Variants in TMCO4 observed in about 807,000 individuals in gnomAD.
TMCO4 encodes transmembrane and coiled-coil domains 4.
In TMCO4, 58 loss-of-function variants were observed where a neutral mutation model predicts 64.7. That is an observed-to-expected ratio of 0.90 (90% CI 0.73 to 1.12). TMCO4 has a LOEUF of 1.12. Among genes scored for constraint, TMCO4 ranks in the 50% most tolerant of loss-of-function variants. The pLI, the probability that TMCO4 is intolerant of heterozygous loss-of-function variation, is 0.00. For missense variants in TMCO4, 780 were observed against 825.9 expected (o/e 0.94, Z 0.68); for synonymous variants, 325 against 346.1 (o/e 0.94, Z 0.68).
chr1:19,789,442 T>G (rs1478247094), intron 2 of TMCO4, among the ~76,000 whole-genome samples: 1 of 152,046 alleles, frequency 6.6e-6, no homozygotes, highest in African/African-American at 2.4e-5. Flanking sequence ...AAAACATCTT[T>G]CACAGAGCAA....
intron 13 of TMCO4, among the ~76,000 whole-genome samples, chr1:19,727,204 G>C (rs1366701878): frequency 6.6e-6 from 1 of 152,218 alleles, no homozygotes; most frequent in East Asian, 1.9e-4. Flanking sequence ...TAAGCCAAGT[G>C]CTCTCGGGTT....
intron 14 of TMCO4, among the ~76,000 whole-genome samples, chr1:19,696,073 C>A (rs967381148): frequency 5.3e-5 from 8 of 152,182 alleles, no homozygotes; most frequent in Middle Eastern, 3.2e-3. Context: ...GCCTCACCTA[C>A]CTTGAGCCAC....
At chr1:19,687,727 G>A (rs1007257366) in intron 15 of TMCO4, among the ~76,000 whole-genome samples, 4 of 152,192 alleles carry the variant, frequency 2.6e-5, no homozygotes, top group Non-Finnish European at 5.9e-5. Context: ...TGTTGTAGAT[G>A]GCTGGTGCCA....
chr1:19,705,670 T>C (rs1472967726), intron 13 of TMCO4, among the ~76,000 whole-genome samples: 1 of 151,852 alleles, frequency 6.6e-6, no homozygotes, highest in Non-Finnish European at 1.5e-5. Context: ...CCAAGGTAGA[T>C]ATGGATAGGC....
In TMCO4 at chr1:19,702,805, T is replaced by C. The variant is rs909270001; in HGVS notation, c.1265-1920A>G. ...CAAACACCAAAGTGCAATCCAATTGTTCTGTAAGTACAGAAATAGAGAAGC... is the reference window on the plus strand; with the variant it reads ...CAAACACCAAAGTGCAATCCAATTGCTCTGTAAGTACAGAAATAGAGAAGC... On this transcript the variant is annotated intron_variant, in intron 13 of 15. Transcript: ENST00000294543. Among the ~76,000 whole-genome samples, 3 of 149,842 alleles carry C rather than the reference T, an allele frequency of 2.0e-5. No individual in the cohort carries two copies. The Admixed American group carries it at 2.0e-4, about 10-fold the overall frequency.
At chr1:19,716,350 C>A (rs144634177) in intron 13 of TMCO4, among the ~76,000 whole-genome samples, 1 of 147,798 alleles carries the variant, frequency 6.8e-6, no homozygotes, top group African/African-American at 2.5e-5. Flanking sequence ...CCTGCCACTA[C>A]GCCCGGCTAT....
At chr1:19,686,269 C>G (rs10917517) in intron 15 of TMCO4, among the ~76,000 whole-genome samples, 1 of 151,862 alleles carries the variant, frequency 6.6e-6, no homozygotes, top group East Asian at 1.9e-4. Context: ...CCCAGCCAGT[C>G]GAGGGGGCCT....
At chr1:19,701,709 C>A (rs991084125) in intron 13 of TMCO4, among the ~76,000 whole-genome samples, 1 of 152,094 alleles carries the variant, frequency 6.6e-6, no homozygotes, top group African/African-American at 2.4e-5. Context: ...TCCCTGGGAC[C>A]TGTGCAGACT....
In TMCO4 at chr1:19,709,297, G is replaced by A. The variant is rs2095318614; in HGVS notation, c.1265-8412C>T. Among the ~76,000 whole-genome samples the A allele has an allele frequency of 2.7e-5, 4 of 148,812 alleles. No individual in the cohort carries two copies. In the South Asian group the frequency reaches 8.5e-4, roughly 32 times the overall value. On this transcript the variant is annotated intron_variant, in intron 13 of 15. Transcript: ENST00000294543. Reference sequence around the variant, plus strand: ...TACTAACATCCCGGCGGGGGGGGGGGACCCTAAAAATTAATCTGCACTGCC... The same window carrying A: ...TACTAACATCCCGGCGGGGGGGGGGAACCCTAAAAATTAATCTGCACTGCC...
intron 13 of TMCO4, among the ~76,000 whole-genome samples, chr1:19,714,253 C>T (rs574832872): frequency 2.6e-5 from 4 of 152,232 alleles, no homozygotes; most frequent in Admixed American, 1.3e-4. Flanking sequence ...TTATTTTTCT[C>T]TTTAGTTTTG....
Position 19,740,764 on chromosome 1 carries a change from TG to T in TMCO4, c.1042+12del. 6.2e-7 allele frequency: 1 copy of T among 1,600,980 alleles called. No individual in the cohort carries two copies. On this transcript the variant is annotated intron_variant, in intron 11 of 15. Coordinates refer to ENST00000294543, the MANE Select transcript of TMCO4 (RefSeq NM_181719.7). ...GGGCATGCTGTTGTTGGGGGGCAGG[TG>T]GGGGCACTTACCAGACAACACTGTG...
intron 13 of TMCO4, among the ~76,000 whole-genome samples, chr1:19,723,520 T>G (rs957650608): frequency 5.9e-5 from 9 of 152,186 alleles, no homozygotes; most frequent in African/African-American, 2.2e-4. Flanking sequence ...CCAGTCATCA[T>G]GTAGCTAAAG....
Position 19,683,396 on chromosome 1 carries a change from C to A in TMCO4, c.1549G>T (p.Ala517Ser). The change falls in exon 16 of 16, where the codon GCC (alanine) becomes TCC (serine). Residue 517 changes from alanine to serine, a missense_variant. Physicochemically the swap from Ala to Ser is moderately conservative, Grantham distance 99 (BLOSUM62 1). Coordinates refer to ENST00000294543, the MANE Select transcript of TMCO4 (RefSeq NM_181719.7). ...CCTGGCTTGGTGCGGATGCCCACGG[C>A]CTTCAGGATGGCATCCATCTGCTTG... ...YAKQMDAILK[A>S]VGIRTKPGWD... is the part of the protein sequence containing the mutation. The A allele has an allele frequency of 6.2e-7, 1 of 1,613,616 alleles. No individual in the cohort carries two copies. Among genetic ancestry groups the A allele is most frequent in the Non-Finnish European group, 8.5e-7 (1 of 1,180,034 alleles).
chr1:19,700,151 C>T lies in TMCO4; in HGVS notation c.1382+617G>A, dbSNP rs1369610390. Among the ~76,000 whole-genome samples, 5 of 152,258 alleles carry T rather than the reference C, an allele frequency of 3.3e-5. No homozygotes were observed. The South Asian group carries it at 6.2e-4, about 19-fold the overall frequency. ...GTCTGAGTCACAGCTTTGGCTGAAA[C>T]CCCGCAGGTCCTCCTTCTCAAACCC... On this transcript the variant is annotated intron_variant, in intron 14 of 15. Transcript: ENST00000294543.
At chr1:19,748,217 A>G (rs891044983) in intron 7 of TMCO4, among the ~76,000 whole-genome samples, 5 of 152,226 alleles carry the variant, frequency 3.3e-5, no homozygotes, top group African/African-American at 1.2e-4. Flanking sequence ...CGGCGGGCAC[A>G]CTGCAAGTGC....
At chr1:19,702,656 T>G (rs2095280818) in intron 13 of TMCO4, among the ~76,000 whole-genome samples, 1 of 152,106 alleles carries the variant, frequency 6.6e-6, no homozygotes, top group Non-Finnish European at 1.5e-5. Flanking sequence ...TACAGCTACT[T>G]GGGAGGCTGA....
At chr1:19,793,582 C>T (rs959162416) in intron 2 of TMCO4, among the ~76,000 whole-genome samples, 1 of 152,168 alleles carries the variant, frequency 6.6e-6, no homozygotes, top group East Asian at 1.9e-4. Flanking sequence ...GTCAGTGAGG[C>T]ATCTCAGGAG....
At chr1:19,747,743 C>G (rs946752028) in intron 7 of TMCO4, among the ~76,000 whole-genome samples, 1 of 152,096 alleles carries the variant, frequency 6.6e-6, no homozygotes, top group Non-Finnish European at 1.5e-5. Flanking sequence ...GGAGCAGTAG[C>G]TAGACTTGTT....
At chr1:19,744,694 C>T (rs963948986) in intron 10 of TMCO4, among the ~76,000 whole-genome samples, 1 of 152,144 alleles carries the variant, frequency 6.6e-6, no homozygotes, top group African/African-American at 2.4e-5. Flanking sequence ...CACCTGCTGT[C>T]CCTTTGCTTG....
Sources: gnomAD v4.1 joint callset for allele counts (sites outside exome capture counted in the v4.1 genomes callset) on GRCh38, gnomAD v4.1.1 for gene constraint, MANE v1.5 for transcripts, NCBI Gene and HGNC (gene_info 2026-07-23, HGNC 2026-07-21) for gene names.